RHOBTB1: variants seen among roughly 807,000 people sequenced by gnomAD.
RHOBTB1 encodes the protein Rho related BTB domain containing 1, also known as rho-related BTB domain-containing protein 1.
Under a neutral mutation model 71.6 loss-of-function variants are expected in RHOBTB1, and 40 were observed. That is an observed-to-expected ratio of 0.56 (90% CI 0.43 to 0.73). The LOEUF (loss-of-function observed/expected upper bound fraction) is 0.73, where lower values mean the gene tolerates loss of function less well. Among genes scored for constraint, RHOBTB1 ranks in the 30% least tolerant of loss-of-function variants. The pLI, the probability that RHOBTB1 is intolerant of heterozygous loss-of-function variation, is 0.00. For synonymous variants in RHOBTB1, 319 were observed against 334.9 expected (o/e 0.95, Z 0.52); for missense variants, 797 against 894.0 (o/e 0.89, Z 1.38).
chr10:60,911,672 C>G (rs918871904), intron 2 of RHOBTB1, 120 bp from the exon 3 acceptor site: 1 of 775,154 alleles, frequency 1.3e-6, no homozygotes, highest in Non-Finnish European at 2.2e-6. Context: ...TGCACAAGCA[C>G]AGGAAAGAAT....
At chr10:60,937,948 G>C (rs952405596) in intron 2 of RHOBTB1, among the ~76,000 whole-genome samples, 12 of 152,266 alleles carry the variant, frequency 7.9e-5, no homozygotes, top group East Asian at 3.9e-4. Flanking sequence ...CCCTCTGAGG[G>C]GGGAGGGGAT....
chr10:60,881,727 T>C (rs751738938), intron 7 of RHOBTB1, among the ~76,000 whole-genome samples: 2 of 152,140 alleles, frequency 1.3e-5, no homozygotes, highest in African/African-American at 4.8e-5. Context: ...TTGGCAAGAG[T>C]GTGTTCTAAG....
Position 60,871,413 on chromosome 10 carries a change from T to C in RHOBTB1, c.*69A>G. On this transcript the variant is annotated 3_prime_UTR_variant, in exon 11 of 11. Coordinates refer to ENST00000337910, the MANE Select transcript of RHOBTB1 (RefSeq NM_014836.5). The stretch of plus-strand genomic sequence containing the variant: ...ATCTCTAACAAGACGAATTTTATAG[T>C]AGTGCTTTGAAAAGTGGTGGATCAG... 6.7e-7 allele frequency: 1 copy of C among 1,494,460 alleles called. No homozygotes were observed. Among genetic ancestry groups the C allele is most frequent in the Non-Finnish European group, 9.1e-7 (1 of 1,093,846 alleles). 92.6% of individuals were successfully genotyped at this position (1,494,460 alleles called of 1,614,324 possible).
At chr10:60,881,730 G>T (rs1263957150) in intron 7 of RHOBTB1, among the ~76,000 whole-genome samples, 2 of 152,134 alleles carry the variant, frequency 1.3e-5, no homozygotes, top group East Asian at 3.8e-4. Flanking sequence ...GCAAGAGTGT[G>T]TTCTAAGTCA....
intron 2 of RHOBTB1, among the ~76,000 whole-genome samples, chr10:60,939,454 G>C (rs952840522): frequency 3.3e-5 from 5 of 152,170 alleles, no homozygotes; most frequent in Non-Finnish European, 7.4e-5. Context: ...TGGAGTGACT[G>C]CCTCTTGACC....
chr10:60,880,177 CTGTG>C (rs1554829436), intron 7 of RHOBTB1, among the ~76,000 whole-genome samples: 6 of 100,640 alleles, frequency 6.0e-5, no homozygotes, highest in Admixed American at 2.0e-4. Flanking sequence ...TGAGGGATGA[CTGTG>C]TGTGTGTGTG....
At chr10:60,900,127 A>T (rs1564869405) in intron 4 of RHOBTB1, among the ~76,000 whole-genome samples, 1 of 152,182 alleles carries the variant, frequency 6.6e-6, no homozygotes, top group Non-Finnish European at 1.5e-5. Flanking sequence ...AGCAGAACGT[A>T]GTGATATAAT....
chr10:60,939,182 C>CATGGTG (rs2084765872), intron 2 of RHOBTB1, among the ~76,000 whole-genome samples: 1 of 152,098 alleles, frequency 6.6e-6, no homozygotes, highest in Non-Finnish European at 1.5e-5. Context: ...TGATCAGAGG[C>CATGGTG]ATGGTGATGT....
the RHOBTB1 span, among the ~76,000 whole-genome samples, chr10:60,863,557 A>G: frequency 1.3e-5 from 2 of 151,758 alleles, no homozygotes; most frequent in African/African-American, 2.4e-5. Flanking sequence ...TTTTGAGATG[A>G]AGTCTCTCCC....
At chr10:60,898,446 C>T (rs763179324) in intron 4 of RHOBTB1, among the ~76,000 whole-genome samples, 54 of 152,268 alleles carry the variant, frequency 3.5e-4, no homozygotes, top group South Asian at 1.0e-3. Flanking sequence ...ATGTGTAACA[C>T]GTGGCTTTGG....
At chr10:60,930,367 T>C (rs963982874) in intron 2 of RHOBTB1, among the ~76,000 whole-genome samples, 25 of 152,324 alleles carry the variant, frequency 1.6e-4, no homozygotes, top group African/African-American at 5.1e-4. Flanking sequence ...CTGTGCTTGG[T>C]ATCAAGAGAA....
At chr10:60,974,086 T>G (rs2134711295) in intron 2 of RHOBTB1, among the ~76,000 whole-genome samples, 1 of 152,196 alleles carries the variant, frequency 6.6e-6, no homozygotes, top group African/African-American at 2.4e-5. Flanking sequence ...ATACTCCTAA[T>G]ATCTAAAGTG....
intron 6 of RHOBTB1, among the ~76,000 whole-genome samples, chr10:60,887,072 C>CT (rs1174041867): frequency 4.0e-5 from 6 of 148,534 alleles, no homozygotes; most frequent in Admixed American, 2.7e-4. Flanking sequence ...TATTTCATAG[C>CT]TTTAAAAAAA....
At chr10:60,886,077 T>C in intron 7 of RHOBTB1, 35 bp downstream of exon 7, 1 of 1,479,408 alleles carries the variant, frequency 6.8e-7, no homozygotes, top group East Asian at 2.3e-5. Context: ...CATACATTCA[T>C]AAAGACACCA....
intron 5 of RHOBTB1, among the ~76,000 whole-genome samples, chr10:60,891,773 A>G (rs1018331825): frequency 3.3e-5 from 5 of 152,216 alleles, no homozygotes; most frequent in African/African-American, 1.2e-4. Flanking sequence ...ACATTTTAAA[A>G]GAAACGTATT....
intron 2 of RHOBTB1, among the ~76,000 whole-genome samples, chr10:60,953,320 T>C (rs2085477688): frequency 6.6e-6 from 1 of 152,222 alleles, no homozygotes; most frequent in African/African-American, 2.4e-5. Flanking sequence ...AAAGTGAGGC[T>C]TCTTTCTTCT....
At chr10:60,862,417 C>T in the RHOBTB1 span, among the ~76,000 whole-genome samples, 140 of 152,000 alleles carry the variant, frequency 9.2e-4, no homozygotes, top group Non-Finnish European at 1.7e-3. Context: ...AGGCTGGTCT[C>T]GAACTTCTGA....
the RHOBTB1 span, among the ~76,000 whole-genome samples, chr10:60,862,547 TTTCTTTCCTTTCTTCTTTCTTTCTTTTCC>T: frequency 6.6e-6 from 1 of 151,750 alleles, no homozygotes; most frequent in African/African-American, 2.4e-5. Context: ...TCTTTCTTTC[TTTCTTTCCTTTCTTCTTTCTTTCTTTTCC>T]TTTTTCTTTC....
At position 60,888,837 on chromosome 10, in the gene RHOBTB1, G is replaced by A; in HGVS notation, c.831C>T (p.His277=). ...CGAGGTAAATTCGATGTGCAAAGAT[G>A]TGTTCCTGGTCCTGAAGGATGAACA... ...DVLFILQDQE[H]IFAHRIYLAT... Residue 277 remains histidine (H), a synonymous_variant, in exon 6 of 11, where the codon CAC becomes CAT. Coordinates refer to ENST00000337910, the MANE Select transcript of RHOBTB1 (RefSeq NM_014836.5). The A allele has an allele frequency of 6.2e-7, 1 of 1,614,224 alleles. No individual in the cohort carries two copies. Among genetic ancestry groups the A allele is most frequent in the Non-Finnish European group, 8.5e-7 (1 of 1,180,040 alleles).
Sources: allele counts gnomAD v4.1 joint callset (sites outside exome capture counted in the v4.1 genomes callset), GRCh38; gene constraint gnomAD v4.1.1; transcripts MANE v1.5; gene names NCBI Gene and HGNC (gene_info 2026-07-23, HGNC 2026-07-21).